The following BLM variants were observed in gnomAD, a reference collection of about 807,000 sequenced individuals.
The protein encoded by BLM is BLM RecQ like helicase, also known as recQ-like DNA helicase BLM.
A neutral mutation model predicts 135.3 loss-of-function variants in BLM; 95 were observed. The ratio of observed to expected loss-of-function variants is 0.70; its 90% confidence interval spans 0.59 to 0.83. BLM has a LOEUF of 0.83. Ranked by LOEUF, BLM falls within the 40% of genes least tolerant of loss-of-function variation. The probability of loss-of-function intolerance (pLI) is 0.00; values close to 1 mark genes in which losing one functional copy is unlikely to be tolerated. For missense variants in BLM, 1,518 were observed against 1,663.9 expected, an observed-to-expected ratio of 0.91 and a Z score of 1.53; for synonymous variants, 520 against 589.2, an observed-to-expected ratio of 0.88 and a Z score of 1.70.
intron 9 of BLM, among the ~76,000 whole-genome samples, chr15:90,766,596 T>G (rs556094501): frequency 6.6e-6 from 1 of 152,100 alleles, no homozygotes; most frequent in African/African-American, 2.4e-5. Flanking sequence ...CCAGGCTAAT[T>G]TTTGTATTTT....
At chr15:90,757,453 G>A (rs941815052) in intron 5 of BLM, among the ~76,000 whole-genome samples, 1 of 152,112 alleles carries the variant, frequency 6.6e-6, no homozygotes, top group African/African-American at 2.4e-5. Context: ...AGTTCCATCC[G>A]ACCATTGTGT....
chr15:90,807,288 T>C (rs1228538687), intron 19 of BLM, among the ~76,000 whole-genome samples: 1 of 152,260 alleles, frequency 6.6e-6, no homozygotes, highest in Non-Finnish European at 1.5e-5. Flanking sequence ...CTCATCTACT[T>C]TGGGCATCTT....
chr15:90,744,716 G>A (rs1268787556), intron 1 of BLM, among the ~76,000 whole-genome samples: 1 of 151,696 alleles, frequency 6.6e-6, no homozygotes, highest in East Asian at 2.0e-4. Context: ...AGTGCCCTAG[G>A]AAATGCAGAG....
chr15:90,749,282 G>A, intron 2 of BLM, 85 bp from the exon 3 acceptor site: 3 of 941,028 alleles, frequency 3.2e-6, no homozygotes, highest in Non-Finnish European at 4.8e-6. Context: ...TAACCTGTGT[G>A]AATTAGTTTA....
At chr15:90,748,419 T>C (rs1025107558) in intron 2 of BLM, among the ~76,000 whole-genome samples, 1 of 152,220 alleles carries the variant, frequency 6.6e-6, no homozygotes, top group Non-Finnish European at 1.5e-5. Flanking sequence ...ATTATTTTAA[T>C]ATAATTTTAT....
chr15:90,786,109 C>T (rs1486169689), intron 14 of BLM, among the ~76,000 whole-genome samples: 1 of 150,616 alleles, frequency 6.6e-6, no homozygotes, highest in Non-Finnish European at 1.5e-5. Flanking sequence ...AATCCTCCCA[C>T]TTCCCAAGTA....
At chr15:90,761,938 A>G (rs1895999287) in intron 7 of BLM, among the ~76,000 whole-genome samples, 2 of 152,214 alleles carry the variant, frequency 1.3e-5, no homozygotes, top group Non-Finnish European at 2.9e-5. Flanking sequence ...TTAAAACCTT[A>G]CATCAACCCT....
At chr15:90,738,090 A>G (rs1415244327) in intron 1 of BLM, among the ~76,000 whole-genome samples, 1 of 152,174 alleles carries the variant, frequency 6.6e-6, no homozygotes, top group Admixed American at 6.5e-5. Flanking sequence ...ACACATAACC[A>G]CCAAGACAGA....
At chr15:90,812,175 A>G (rs1337494391) in intron 21 of BLM, among the ~76,000 whole-genome samples, 2 of 152,098 alleles carry the variant, frequency 1.3e-5, no homozygotes, top group African/African-American at 4.8e-5. Flanking sequence ...GCAGAATCCC[A>G]TGGATCTCCA....
Position 90,755,017 on chromosome 15 carries a change from G to C in BLM, c.1087+79G>C, listed in dbSNP as rs1169784851. 7.1e-6 allele frequency: 11 copies of C among 1,547,238 alleles called. No individual in the cohort carries two copies. The Admixed American group carries it at 1.9e-4, about 27-fold the overall frequency. ...CAACGTAACACAAAGATTGTGTTTT[G>C]AACCTGTGGCTGTATGTTATAAAAT... is the stretch of plus-strand genomic sequence containing the variant. On this transcript the variant is annotated intron_variant, in intron 5 of 21. Coordinates refer to ENST00000355112, the MANE Select transcript of BLM (RefSeq NM_000057.4).
rs538243335 is a variant in BLM at position 90,814,689 on chromosome 15, G to A, written c.4077-413G>A. Among the ~76,000 whole-genome samples, 3 of 152,276 alleles carry A rather than the reference G, an allele frequency of 2.0e-5. No homozygotes were observed. In the South Asian group the frequency reaches 6.2e-4, roughly 32 times the overall value. On this transcript the variant is annotated intron_variant, in intron 21 of 21. Transcript: ENST00000355112. ...GACTGTGCAAGTCCAGTCATTCCGGGGTGCCTGTCAGCAGGGAGCTGGGGC... is the reference window on the plus strand; with the variant it reads ...GACTGTGCAAGTCCAGTCATTCCGGAGTGCCTGTCAGCAGGGAGCTGGGGC...
At chr15:90,785,193 A>C in intron 14 of BLM, 112 bp downstream of exon 14, 1 of 1,184,686 alleles carries the variant, frequency 8.4e-7, no homozygotes, top group Non-Finnish European at 1.2e-6. Context: ...AAACATCAAA[A>C]TAAGACTGAA....
At chr15:90,773,511 CTTTTTTTT>C (rs55678339) in intron 12 of BLM, among the ~76,000 whole-genome samples, 1 of 100,846 alleles carries the variant, frequency 9.9e-6, no homozygotes, top group African/African-American at 4.1e-5. Flanking sequence ...CTTCAATGGC[CTTTTTTTT>C]TTTTTTTTTT....
intron 12 of BLM, among the ~76,000 whole-genome samples, chr15:90,773,141 C>T (rs913294692): frequency 2.1e-5 from 3 of 145,098 alleles, no homozygotes; most frequent in Non-Finnish European, 4.5e-5. Context: ...AGACAGCAGC[C>T]GAGCGCAGTG....
In BLM at chr15:90,759,826, C is replaced by T. The variant is rs913824748; in HGVS notation, c.1088-321C>T. Among the ~76,000 whole-genome samples, 71 of 150,694 alleles carry T rather than the reference C, an allele frequency of 4.7e-4. 1 individual carries two copies. Among genetic ancestry groups the T allele is most frequent in the Non-Finnish European group, 4.3e-4 (29 of 67,816 alleles). Reference sequence around the variant, plus strand: ...TTCACCACATTGGCCAGGCTGGTCTCGAACTCCTGACCTCAGGTGATCTAC... The same window carrying T: ...TTCACCACATTGGCCAGGCTGGTCTTGAACTCCTGACCTCAGGTGATCTAC... On this transcript the variant is annotated intron_variant, in intron 5 of 21. Transcript: ENST00000355112.
In BLM at chr15:90,782,901, C is replaced by G. The variant is rs1461606733; in HGVS notation, c.2635C>G (p.Leu879Val). The G allele has an allele frequency of 1.9e-6, 3 of 1,613,050 alleles. No homozygotes were observed. The highest frequency in any genetic ancestry group is 2.5e-6 in the Non-Finnish European group (3 of 1,179,194). The change falls in exon 13 of 22, where the codon CTA (leucine) becomes GTA (valine). Residue 879 changes from leucine (L) to valine (V), a missense_variant. By Grantham distance (32) the Leu-to-Val change is conservative. This residue lies in a region of BLM where 626 missense variants were observed against 681.1 expected (regional missense o/e 0.92). Coordinates refer to ENST00000355112, the MANE Select transcript of BLM (RefSeq NM_000057.4). ...GCCTAAAAAGGTGGCATTTGATTGC[C>G]TAGAATGGATCAGAAAGCACCACCC... Reference protein sequence around the residue: ...KKPKKVAFDCLEWIRKHHPYD... With the variant: ...KKPKKVAFDCVEWIRKHHPYD...
chr15:90,784,327 CTTT>C (rs769540432), intron 13 of BLM, among the ~76,000 whole-genome samples: 3,298 of 69,754 alleles, frequency 0.047, 23 homozygotes, highest in Non-Finnish European at 0.061. Context: ...AATGGCTTTT[CTTT>C]TTTTTTTTTT....
At position 90,747,422 on chromosome 15, in the gene BLM, G is replaced by A. The variant is rs2151145010; in HGVS notation, c.30G>A (p.Gln10=). The change falls in exon 2 of 22, where the codon CAG becomes CAA. Residue 10 remains glutamine, a synonymous_variant. Coordinates refer to ENST00000355112, the MANE Select transcript of BLM (RefSeq NM_000057.4). MAAVPQNNL[Q]EQLERHSART... ...CTGCTGTTCCTCAAAATAATCTACA[G>A]GAGCAACTAGAACGTCACTCAGCCA... The A allele has an allele frequency of 7.4e-6, 12 of 1,611,484 alleles. No individual in the cohort carries two copies. The highest frequency in any genetic ancestry group is 1.0e-5 in the Non-Finnish European group (12 of 1,178,648).
At position 90,814,959 on chromosome 15, in the gene BLM, A is replaced by G. The variant is rs948129927; in HGVS notation, c.4077-143A>G. On this transcript the variant is annotated intron_variant, in intron 21 of 21. Transcript: ENST00000355112. ...ATAAGTAGTAAAGGAAACTTACCTT[A>G]CCTAGGGGGCTCGTAGGCAGAAAAT... 1.7e-5 allele frequency: 13 copies of G among 760,120 alleles called. No homozygotes were observed. In the Admixed American group the frequency reaches 2.8e-4, roughly 16 times the overall value. 47.1% of individuals were successfully genotyped at this position (760,120 alleles called of 1,614,324 possible). A position where few individuals can be genotyped will look rare whatever the true frequency, so the allele number is the denominator to read the frequency against.
Sources: gnomAD v4.1 joint callset for allele counts (sites outside exome capture counted in the v4.1 genomes callset) on GRCh38, gnomAD v4.1.1 for gene constraint, gnomAD v4.1.1 regional missense constraint, MANE v1.5 for transcripts, NCBI Gene and HGNC (gene_info 2026-07-23, HGNC 2026-07-21) for gene names.